CTDSPL2: variants seen among roughly 807,000 people sequenced by gnomAD.
CTDSPL2 encodes the protein CTD small phosphatase-like protein 2.
A neutral mutation model predicts 60.0 loss-of-function variants in CTDSPL2; 5 were observed. The observed-to-expected ratio is 0.08, with a 90% CI of 0.04 to 0.18. CTDSPL2 has a LOEUF of 0.18. CTDSPL2 is among the 10% of genes least tolerant of loss of function. The probability of loss-of-function intolerance (pLI) is 1.00; values close to 1 mark genes in which losing one functional copy is unlikely to be tolerated. For missense variants in CTDSPL2, 370 were observed against 548.8 expected (o/e 0.67, Z 3.26); for synonymous variants, 186 against 189.3 (o/e 0.98, Z 0.14).
chr15:44,465,803 T>C (rs772429103), intron 2 of CTDSPL2, among the ~76,000 whole-genome samples: 4 of 150,912 alleles, frequency 2.7e-5, no homozygotes, highest in African/African-American at 4.9e-5. Flanking sequence ...AACCTCCATC[T>C]GCTGGTTTTA....
At position 44,490,949 on chromosome 15, in the gene CTDSPL2, G is replaced by C. The variant is rs371137544; in HGVS notation, c.641G>C (p.Gly214Ala). 6 of 1,613,966 alleles carry C rather than the reference G, an allele frequency of 3.7e-6. No individual in the cohort carries two copies. In the African/African-American group the frequency reaches 6.7e-5, roughly 18 times the overall value. ...AVQVRPSLNN[G>A]LEEAEETVNR... ...CAAGTGAGACCATCACTAAACAATG[G>C]TTTAGAAGAAGCAGAAGAAACAGTT... The change falls in exon 5 of 13, where the codon GGT becomes GCT. Residue 214 changes from glycine (G) to alanine (A), a missense_variant. Physicochemically the swap from Gly to Ala is moderately conservative, Grantham distance 60 (BLOSUM62 0). Coordinates refer to ENST00000260327, the MANE Select transcript of CTDSPL2 (RefSeq NM_016396.3).
chr15:44,442,200 C>T (rs1184046284), intron 1 of CTDSPL2, among the ~76,000 whole-genome samples: 1 of 152,152 alleles, frequency 6.6e-6, no homozygotes, highest in African/African-American at 2.4e-5. Flanking sequence ...CCTGTAATCC[C>T]AGCACTTTGG....
At chr15:44,495,247 G>T (rs987623481) in intron 5 of CTDSPL2, among the ~76,000 whole-genome samples, 12 of 152,114 alleles carry the variant, frequency 7.9e-5, no homozygotes, top group Non-Finnish European at 1.2e-4. Flanking sequence ...TGGGATTACA[G>T]GCGCCCGCCA....
chr15:44,521,913 G>A (rs2081778233), intron 12 of CTDSPL2, among the ~76,000 whole-genome samples: 1 of 140,166 alleles, frequency 7.1e-6, no homozygotes, highest in Admixed American at 7.2e-5. Flanking sequence ...ACTCCAGCCT[G>A]GGCGACAGAG....
At chr15:44,455,121 T>G (rs971395605) in intron 1 of CTDSPL2, among the ~76,000 whole-genome samples, 4 of 152,174 alleles carry the variant, frequency 2.6e-5, no homozygotes, top group African/African-American at 9.6e-5. Flanking sequence ...TTGTAGTTCT[T>G]CTTGAAGAGG....
intron 4 of CTDSPL2, 58 bp downstream of exon 4, chr15:44,486,758 G>GTTTTT (rs368571218): frequency 2.2e-4 from 174 of 800,262 alleles, no homozygotes; most frequent in South Asian, 7.8e-4. Context: ...CATAGTTTGG[G>GTTTTT]TTTTTTTTTT....
intron 4 of CTDSPL2, among the ~76,000 whole-genome samples, chr15:44,490,232 G>A (rs2081192743): frequency 6.6e-6 from 1 of 151,944 alleles, no homozygotes; most frequent in Non-Finnish European, 1.5e-5. Context: ...CCTCCTTCTG[G>A]GCCCAAGCGA....
intron 1 of CTDSPL2, among the ~76,000 whole-genome samples, chr15:44,443,669 G>A (rs1170860036): frequency 6.6e-6 from 1 of 152,086 alleles, no homozygotes; most frequent in Non-Finnish European, 1.5e-5. Context: ...GATAATTAGT[G>A]ATGTCAAGTG....
chr15:44,520,110 A>C (rs973191399), intron 11 of CTDSPL2: 2 of 150,058 alleles, frequency 1.3e-5, no homozygotes, highest in South Asian at 2.1e-4. Context: ...TAGATTATGA[A>C]TATGTCCATG....
intron 8 of CTDSPL2, among the ~76,000 whole-genome samples, chr15:44,505,055 T>C (rs1670268965): frequency 6.6e-6 from 1 of 152,216 alleles, no homozygotes; most frequent in African/African-American, 2.4e-5. Flanking sequence ...AATAGTTCTC[T>C]ATTTCTCAAA....
intron 1 of CTDSPL2, among the ~76,000 whole-genome samples, chr15:44,453,986 T>C (rs1025897168): frequency 1.3e-5 from 2 of 152,250 alleles, no homozygotes; most frequent in Non-Finnish European, 2.9e-5. Flanking sequence ...TTCTAGATCC[T>C]TGAGGAATTG....
intron 3 of CTDSPL2, among the ~76,000 whole-genome samples, chr15:44,485,688 C>A (rs1278733295): frequency 6.6e-6 from 1 of 152,114 alleles, no homozygotes; most frequent in Non-Finnish European, 1.5e-5. Flanking sequence ...GTTAGGGACC[C>A]CTGCTTTAGA....
intron 2 of CTDSPL2, chr15:44,470,707 T>A (rs1463059622): frequency 6.6e-6 from 1 of 152,112 alleles, no homozygotes. Context: ...CTTGGCCTCC[T>A]AAAGTGCTGG....
intron 1 of CTDSPL2, among the ~76,000 whole-genome samples, chr15:44,445,421 C>T (rs923641966): frequency 6.6e-6 from 1 of 150,838 alleles, no homozygotes. Flanking sequence ...AACTCCTGGG[C>T]TCAAGTGGTC....
chr15:44,437,761 CAG>C (rs1308419362), intron 1 of CTDSPL2, among the ~76,000 whole-genome samples: 1 of 152,098 alleles, frequency 6.6e-6, no homozygotes, highest in African/African-American at 2.4e-5. Flanking sequence ...GAGAAAGAAA[CAG>C]ATTATTTAAT....
Position 44,525,659 on chromosome 15 carries a change from C to G in CTDSPL2, c.*1485C>G, listed in dbSNP as rs1253057767. ...TCAATTAATTTTTTATGTATATTACCTGTTTACTTGTACAACTTACTGTAC... is the reference window on the plus strand; with the variant it reads ...TCAATTAATTTTTTATGTATATTACGTGTTTACTTGTACAACTTACTGTAC... On this transcript the variant is annotated 3_prime_UTR_variant, in exon 13 of 13. Coordinates refer to ENST00000260327, the MANE Select transcript of CTDSPL2 (RefSeq NM_016396.3). The G allele has an allele frequency of 2.5e-6, 1 of 394,258 alleles. No homozygotes were observed. Among genetic ancestry groups the G allele is most frequent in the Non-Finnish European group, 4.5e-6 (1 of 223,482 alleles). 24.4% of individuals were successfully genotyped at this position (394,258 alleles called of 1,614,324 possible).
At chr15:44,520,154 CT>C (rs56005250) in intron 11 of CTDSPL2, 146 of 140,898 alleles carry the variant, frequency 1.0e-3, no homozygotes, top group Non-Finnish European at 1.0e-3. Flanking sequence ...TTTTGTTTTC[CT>C]TTTTTTTTTT....
chr15:44,444,302 T>C (rs868613621), intron 1 of CTDSPL2, among the ~76,000 whole-genome samples: 37 of 136,266 alleles, frequency 2.7e-4, no homozygotes, highest in East Asian at 1.3e-3. Context: ...GCTTTTCCCA[T>C]ACACACACAC....
chr15:44,471,458 A>G (rs938981949), intron 2 of CTDSPL2, among the ~76,000 whole-genome samples: 1 of 152,160 alleles, frequency 6.6e-6, no homozygotes, highest in East Asian at 1.9e-4. Context: ...TACTTAATGT[A>G]TACAGCTCTA....
Sources: allele counts gnomAD v4.1 joint callset (sites outside exome capture counted in the v4.1 genomes callset), GRCh38; gene constraint gnomAD v4.1.1; transcripts MANE v1.5; gene names NCBI Gene and HGNC (gene_info 2026-07-23, HGNC 2026-07-21).